ESRRG: variants seen among roughly 807,000 people sequenced by gnomAD.
ESRRG encodes the protein estrogen related receptor gamma.
ESRRG carries 13 observed loss-of-function variants against 44.0 expected under a neutral mutation model. That is an observed-to-expected ratio of 0.30 (90% CI 0.19 to 0.47). ESRRG has a LOEUF of 0.47. Among genes scored for constraint, ESRRG ranks in the 20% least tolerant of loss-of-function variants. ESRRG has a pLI of 1.00. For missense variants in ESRRG, 395 were observed against 580.6 expected (o/e 0.68, Z 3.29); for synonymous variants, 215 against 214.6 (o/e 1.00, Z -0.02).
At chr1:216,516,636 T>TACACACACACACACACACACAC (rs779496209) in intron 6 of ESRRG, among the ~76,000 whole-genome samples, 1,329 of 130,344 alleles carry the variant, frequency 0.01, 25 homozygotes, top group South Asian at 0.038. Flanking sequence ...CACACACACA[T>TACACACACACACACACACACAC]ACACACACAC....
In ESRRG at chr1:217,080,741, C is replaced by A. The variant is rs830325; in HGVS notation, c.-106+8766G>T. On this transcript the variant is annotated intron_variant, in intron 1 of 7. Transcript: ENST00000359162. ...TGCCCAGGCTGGAGTGCAGTGGCGC[C>A]ATCTTGGCTCACTGCAAGCTTCGCC... 8.2e-3 allele frequency among the ~76,000 whole-genome samples: 1,204 copies of A among 146,022 alleles called. 10 individuals carry two copies. The highest frequency in any genetic ancestry group is 0.017 in the Middle Eastern group (5 of 286).
intron 2 of ESRRG, among the ~76,000 whole-genome samples, chr1:216,652,638 T>C (rs10863262): frequency 0.59 from 89,461 of 151,926 alleles, 28,349 homozygotes; most frequent in South Asian, 0.72. Flanking sequence ...CAGAAGTATA[T>C]ACCATCACCT....
chr1:217,090,202 G>A (rs1207103082), upstream of ESRRG, among the ~76,000 whole-genome samples: 1 of 152,014 alleles, frequency 6.6e-6, no homozygotes, highest in Non-Finnish European at 1.5e-5. Flanking sequence ...GCAAGCATGC[G>A]TTCATCTTTT....
intron 1 of ESRRG, among the ~76,000 whole-genome samples, chr1:216,708,510 C>T (rs1166293176): frequency 1.3e-5 from 2 of 151,984 alleles, no homozygotes; most frequent in African/African-American, 2.4e-5. Context: ...AAAACCAAAA[C>T]GAGATACCAT....
rs557298348 is a variant in ESRRG, at chr1:216,588,721, A to G, written c.590-20623T>C. ...TTCCAAGTCCTCTTTAAAGAGCATCAGTACTATCATTTGATATCTCCATTT... is the reference window on the plus strand; with the variant it reads ...TTCCAAGTCCTCTTTAAAGAGCATCGGTACTATCATTTGATATCTCCATTT... On this transcript the variant is annotated intron_variant, in intron 3 of 6. Transcript: ENST00000408911. Among the ~76,000 whole-genome samples the G allele has an allele frequency of 1.3e-4, 20 of 152,342 alleles. No homozygotes were observed. The South Asian group carries it at 3.9e-3, about 30-fold the overall frequency.
At chr1:217,131,639 G>A (rs1325393666) in intron 1 of ESRRG, among the ~76,000 whole-genome samples, 1 of 152,206 alleles carries the variant, frequency 6.6e-6, no homozygotes, top group Non-Finnish European at 1.5e-5. Context: ...GGGCGCAGAA[G>A]ACTTTGGAGG....
intron 1 of ESRRG, among the ~76,000 whole-genome samples, chr1:217,077,876 A>G (rs1033688905): frequency 6.6e-6 from 1 of 152,216 alleles, no homozygotes; most frequent in Non-Finnish European, 1.5e-5. Context: ...TTTATAGTTT[A>G]ATGCCCACAG....
intron 5 of ESRRG, among the ~76,000 whole-genome samples, chr1:216,560,275 C>T (rs1018858609): frequency 6.6e-6 from 1 of 151,946 alleles, no homozygotes; most frequent in Non-Finnish European, 1.5e-5. Flanking sequence ...GTAACTGAGG[C>T]CCCCCAAACT....
At chr1:217,068,119 T>C (rs747785268) in intron 1 of ESRRG, among the ~76,000 whole-genome samples, 6 of 152,172 alleles carry the variant, frequency 3.9e-5, no homozygotes, top group Non-Finnish European at 8.8e-5. Flanking sequence ...CAATTCCATC[T>C]TCTGAGGAGC....
intron 2 of ESRRG, among the ~76,000 whole-genome samples, chr1:216,860,770 C>T (rs1323169621): frequency 6.6e-6 from 1 of 151,894 alleles, no homozygotes; most frequent in Non-Finnish European, 1.5e-5. Context: ...AAAATGATAC[C>T]AGATGGATAT....
chr1:217,082,638 C>T (rs1477023586), intron 1 of ESRRG, among the ~76,000 whole-genome samples: 1 of 151,778 alleles, frequency 6.6e-6, no homozygotes, highest in Non-Finnish European at 1.5e-5. Context: ...AGGCTATTCC[C>T]CACCCTTATC....
intron 1 of ESRRG, among the ~76,000 whole-genome samples, chr1:217,064,678 G>A (rs1337925375): frequency 2.0e-5 from 3 of 152,126 alleles, no homozygotes; most frequent in Admixed American, 6.5e-5. Context: ...CAAAATACAG[G>A]CATTCCTTAC....
At chr1:216,573,631 C>T (rs1414667527) in intron 3 of ESRRG, among the ~76,000 whole-genome samples, 2 of 151,522 alleles carry the variant, frequency 1.3e-5, no homozygotes, top group East Asian at 1.9e-4. Context: ...AATAATAATA[C>T]TATTTGATGT....
chr1:216,812,525 G>A (rs974854068), intron 2 of ESRRG, among the ~76,000 whole-genome samples: 4 of 152,034 alleles, frequency 2.6e-5, no homozygotes, highest in African/African-American at 4.8e-5. Context: ...CACAGACATA[G>A]CACTCATAGA....
At chr1:216,588,638 T>C (rs2057101465) in intron 3 of ESRRG, among the ~76,000 whole-genome samples, 1 of 152,210 alleles carries the variant, frequency 6.6e-6, no homozygotes, top group African/African-American at 2.4e-5. Flanking sequence ...TATCTCTGCT[T>C]TATAGGCTCA....
At chr1:216,533,486 A>C (rs1191613160) in intron 5 of ESRRG, among the ~76,000 whole-genome samples, 1 of 152,180 alleles carries the variant, frequency 6.6e-6, no homozygotes, top group Non-Finnish European at 1.5e-5. Flanking sequence ...GCCTGCATTT[A>C]TTTAATGTGT....
chr1:216,763,269 G>GTTA (rs1026968719), intron 2 of ESRRG, among the ~76,000 whole-genome samples: 3 of 151,918 alleles, frequency 2.0e-5, no homozygotes, highest in Admixed American at 6.6e-5. Context: ...ACATGTTGTT[G>GTTA]TTGGCTATGA....
intron 3 of ESRRG, among the ~76,000 whole-genome samples, chr1:216,598,413 A>G (rs780433475): frequency 4.6e-5 from 7 of 152,200 alleles, no homozygotes; most frequent in Non-Finnish European, 1.0e-4. Context: ...GAACTTCTCT[A>G]TATAGAATAT....
intron 2 of ESRRG, among the ~76,000 whole-genome samples, chr1:216,913,085 C>T (rs1403158003): frequency 2.2e-5 from 3 of 133,668 alleles, no homozygotes; most frequent in Admixed American, 8.6e-5. Flanking sequence ...GATCGCACTA[C>T]TGCACTCCAG....
Sources: gnomAD v4.1 joint callset for allele counts (sites outside exome capture counted in the v4.1 genomes callset) on GRCh38, gnomAD v4.1.1 for gene constraint, MANE v1.5 for transcripts, NCBI Gene and HGNC (gene_info 2026-07-23, HGNC 2026-07-21) for gene names.